Variants in PARP15 observed in about 807,000 individuals in gnomAD.
The protein encoded by PARP15 is protein mono-ADP-ribosyltransferase PARP15.
PARP15 carries 50 observed loss-of-function variants against 62.1 expected under a neutral mutation model. That is an observed-to-expected ratio of 0.81 (90% CI 0.64 to 1.02). The LOEUF (loss-of-function observed/expected upper bound fraction) is 1.02, where lower values mean the gene tolerates loss of function less well. PARP15 is among the 50% of genes least tolerant of loss of function. The pLI, the probability that PARP15 is intolerant of heterozygous loss-of-function variation, is 0.00. For missense variants in PARP15, 820 were observed against 826.5 expected (o/e 0.99, Z 0.10); for synonymous variants, 309 against 293.1 (o/e 1.05, Z -0.55).
intron 1 of PARP15, among the ~76,000 whole-genome samples, chr3:122,589,589 C>T (rs1933709399): frequency 6.6e-6 from 1 of 152,130 alleles, no homozygotes; most frequent in Admixed American, 6.6e-5. Context: ...TGAAGTGGCA[C>T]CTCATTGTGG....
At chr3:122,607,913 A>G (rs954471544) in intron 2 of PARP15, among the ~76,000 whole-genome samples, 3 of 152,162 alleles carry the variant, frequency 2.0e-5, no homozygotes, top group Non-Finnish European at 4.4e-5. Flanking sequence ...CCCAACCTCC[A>G]ATCACGCCTC....
chr3:122,625,742 C>G (rs1936681527), intron 8 of PARP15, among the ~76,000 whole-genome samples: 1 of 152,240 alleles, frequency 6.6e-6, no homozygotes, highest in Non-Finnish European at 1.5e-5. Context: ...CCTCAGTCTT[C>G]TAGCCTCCAA....
chr3:122,602,111 G>GT (rs1934841403), intron 1 of PARP15, among the ~76,000 whole-genome samples: 1 of 152,018 alleles, frequency 6.6e-6, no homozygotes, highest in Non-Finnish European at 1.5e-5. Context: ...CTTTTCTTTT[G>GT]TGCCTCTCCC....
intron 1 of PARP15, among the ~76,000 whole-genome samples, chr3:122,590,847 G>C (rs1020847825): frequency 1.1e-4 from 17 of 152,164 alleles, no homozygotes; most frequent in Admixed American, 6.5e-4. Flanking sequence ...ACACTTTTGT[G>C]TCTTGGTTAC....
At chr3:122,635,541 TG>T in intron 11 of PARP15, among the ~76,000 whole-genome samples, 1 of 152,106 alleles carries the variant, frequency 6.6e-6, no homozygotes, top group Non-Finnish European at 1.5e-5. Context: ...CCTGAGTAGC[TG>T]GGATTACAGG....
At chr3:122,619,022 A>G (rs1244754007) in intron 6 of PARP15, among the ~76,000 whole-genome samples, 1 of 152,252 alleles carries the variant, frequency 6.6e-6, no homozygotes, top group Non-Finnish European at 1.5e-5. Context: ...ACACATATAT[A>G]ATCAAGGATA....
Position 122,619,764 on chromosome 3 carries a change from T to A in PARP15, c.1001-17T>A. 1.3e-6 allele frequency: 2 copies of A among 1,597,490 alleles called. No homozygotes were observed. Among genetic ancestry groups the A allele is most frequent in the African/African-American group, 2.7e-5 (2 of 74,424 alleles). On this transcript the variant is annotated splice_polypyrimidine_tract_variant and intron_variant, in intron 6 of 11. Coordinates refer to ENST00000464300, the MANE Select transcript of PARP15 (RefSeq NM_001113523.3). ...AATTCTAACTGATGCCTTTTACCAT[T>A]AACATGTCTTATTTAGGTGTGTCAA...
At position 122,598,596 on chromosome 3, in the gene PARP15, C is replaced by T. The variant is rs145823594; in HGVS notation, c.187-7340C>T. Among the ~76,000 whole-genome samples the T allele has an allele frequency of 6.8e-3, 1,036 of 152,236 alleles. 12 individuals are homozygous for T. Among genetic ancestry groups the T allele is most frequent in the African/African-American group, 0.023 (963 of 41,508 alleles). ...GAGAGAGAAAGAGAGGCCATGAGAG[C>T]GCAGAAAGCTGCAGTGCTTTTCATA... is the stretch of plus-strand genomic sequence containing the variant. On this transcript the variant is annotated intron_variant, in intron 1 of 11. Coordinates refer to ENST00000464300, the MANE Select transcript of PARP15 (RefSeq NM_001113523.3).
In PARP15 at chr3:122,637,518, T is replaced by C. The variant is rs1276811169; in HGVS notation, c.*1418T>C. On this transcript the variant is annotated 3_prime_UTR_variant, in exon 12 of 12. Transcript: ENST00000464300. The stretch of plus-strand genomic sequence containing the variant: ...GAGTTACGTAAATTCTTAAAATGCT[T>C]AGCAGCTCATTTATCCTGAAGCATC... 3.9e-5 allele frequency: 6 copies of C among 152,162 alleles called. No individual in the cohort carries two copies. Among genetic ancestry groups the C allele is most frequent in the African/African-American group, 1.4e-4 (6 of 41,430 alleles). 9.4% of individuals were successfully genotyped at this position (152,162 alleles called of 1,614,324 possible). A position where few individuals can be genotyped will look rare whatever the true frequency, so the allele number is the denominator to read the frequency against.
intron 1 of PARP15, among the ~76,000 whole-genome samples, chr3:122,599,476 C>A: frequency 6.6e-6 from 1 of 152,000 alleles, no homozygotes; most frequent in East Asian, 1.9e-4. Flanking sequence ...TCTCTCCCCT[C>A]TCTCTCTTTC....
chr3:122,591,764 CAAAAA>C (rs66536667), intron 1 of PARP15, among the ~76,000 whole-genome samples: 3 of 103,416 alleles, frequency 2.9e-5, no homozygotes, highest in African/African-American at 1.2e-4. Context: ...GACTCTGTCT[CAAAAA>C]AAAAAAAAAA....
At chr3:122,586,189 T>C (rs950357701) in intron 1 of PARP15, among the ~76,000 whole-genome samples, 1 of 151,360 alleles carries the variant, frequency 6.6e-6, no homozygotes, top group African/African-American at 2.4e-5. Context: ...TGATTCATAT[T>C]TTCACTCTCC....
chr3:122,623,921 A>G (rs977938851), intron 8 of PARP15, among the ~76,000 whole-genome samples: 1 of 152,106 alleles, frequency 6.6e-6, no homozygotes, highest in African/African-American at 2.4e-5. Context: ...AGGCGGGTGG[A>G]TCACTTGATT....
intron 9 of PARP15, among the ~76,000 whole-genome samples, chr3:122,628,363 T>A (rs150134785): frequency 6.6e-6 from 1 of 152,128 alleles, no homozygotes; most frequent in African/African-American, 2.4e-5. Flanking sequence ...CAATGGGGAA[T>A]AGCTGTTCCC....
chr3:122,627,678 C>CT, intron 9 of PARP15, among the ~76,000 whole-genome samples: 1 of 152,214 alleles, frequency 6.6e-6, no homozygotes, highest in East Asian at 1.9e-4. Context: ...AGCACTCACC[C>CT]TTAAAGCACT....
At chr3:122,617,913 G>A (rs1338757623) in intron 6 of PARP15, among the ~76,000 whole-genome samples, 3 of 151,432 alleles carry the variant, frequency 2.0e-5, no homozygotes, top group African/African-American at 7.3e-5. Context: ...TTATTTTTTA[G>A]TAGAGATGGG....
At chr3:122,635,429 T>A (rs184027513) in intron 11 of PARP15, among the ~76,000 whole-genome samples, 3 of 152,054 alleles carry the variant, frequency 2.0e-5, no homozygotes, top group African/African-American at 4.8e-5. Context: ...CTTTTTTTTT[T>A]AGACGGTCTC....
chr3:122,611,737 G>A (rs1054019875), intron 3 of PARP15, among the ~76,000 whole-genome samples: 3 of 150,016 alleles, frequency 2.0e-5, no homozygotes, highest in Non-Finnish European at 4.4e-5. Context: ...TTTTTGAGAT[G>A]GAGTTTTGCT....
Position 122,619,759 on chromosome 3 carries a change from A to G in PARP15, c.1001-22A>G, listed in dbSNP as rs767757440. On this transcript the variant is annotated intron_variant, in intron 6 of 11. Coordinates refer to ENST00000464300, the MANE Select transcript of PARP15 (RefSeq NM_001113523.3). ...TATTGAATTCTAACTGATGCCTTTT[A>G]CCATTAACATGTCTTATTTAGGTGT... is the stretch of plus-strand genomic sequence containing the variant. 33 of 1,586,576 alleles carry G rather than the reference A, an allele frequency of 2.1e-5. No individual in the cohort carries two copies. In the Middle Eastern group the frequency reaches 5.0e-4, roughly 24 times the overall value.
Sources: allele counts gnomAD v4.1 joint callset (sites outside exome capture counted in the v4.1 genomes callset), GRCh38; gene constraint gnomAD v4.1.1; transcripts MANE v1.5; gene names NCBI Gene and HGNC (gene_info 2026-07-23, HGNC 2026-07-21).